Variants in CACNA2D1 observed in about 807,000 individuals in gnomAD.
CACNA2D1 encodes voltage-dependent calcium channel subunit alpha-2/delta-1.
A neutral mutation model predicts 171.5 loss-of-function variants in CACNA2D1; 53 were observed. The ratio of observed to expected loss-of-function variants is 0.31; its 90% CI spans 0.25 to 0.39. The LOEUF is 0.39. CACNA2D1 is among the 10% of genes least tolerant of loss of function. The probability of loss-of-function intolerance (pLI) is 1.00; values close to 1 mark genes in which losing one functional copy is unlikely to be tolerated. For synonymous variants in CACNA2D1, 442 were observed against 443.1 expected (o/e 1.00, Z 0.03); for missense variants, 903 against 1,299.8 (o/e 0.69, Z 4.69).
chr7:82,261,528 G>A (rs559646112), intron 3 of CACNA2D1, among the ~76,000 whole-genome samples: 1 of 152,144 alleles, frequency 6.6e-6, no homozygotes, highest in Non-Finnish European at 1.5e-5. Flanking sequence ...AAGGCGTGTT[G>A]TCTTTTTAAG....
At position 82,263,707 on chromosome 7, in the gene CACNA2D1, C is replaced by G. The variant is rs531163496; in HGVS notation, c.294+71428G>C. ...TGTTTTGTTTCGTTTTGTTTTGGTA[C>G]CATCTGAATTATTATCCATCATTAT... is the stretch of plus-strand genomic sequence containing the variant. On this transcript the variant is annotated intron_variant, in intron 3 of 38. Coordinates refer to ENST00000356860, the MANE Select transcript of CACNA2D1 (RefSeq NM_000722.4). 1.5e-4 allele frequency among the ~76,000 whole-genome samples: 23 copies of G among 152,066 alleles called. No homozygotes were observed. In the East Asian group the frequency reaches 4.3e-3, roughly 28 times the overall value.
chr7:82,288,441 AC>A (rs1221889478), intron 3 of CACNA2D1, among the ~76,000 whole-genome samples: 4 of 151,860 alleles, frequency 2.6e-5, no homozygotes, highest in Admixed American at 2.6e-4. Flanking sequence ...ACACACACAC[AC>A]ACACACACAC....
At chr7:82,335,570 G>T (rs1370337872) in intron 2 of CACNA2D1, among the ~76,000 whole-genome samples, 1 of 152,128 alleles carries the variant, frequency 6.6e-6, no homozygotes, top group Non-Finnish European at 1.5e-5. Context: ...CATCAGCATC[G>T]TAAGAGAAAG....
chr7:82,026,824 AC>A (rs1172716753), intron 12 of CACNA2D1, among the ~76,000 whole-genome samples: 1 of 151,730 alleles, frequency 6.6e-6, no homozygotes, highest in African/African-American at 2.4e-5. Context: ...CTACACATAC[AC>A]ATATGTCCTG....
chr7:82,411,137 C>T (rs936477166), intron 1 of CACNA2D1, among the ~76,000 whole-genome samples: 2 of 152,086 alleles, frequency 1.3e-5, no homozygotes, highest in African/African-American at 4.8e-5. Context: ...AAAGTATGAA[C>T]TTGTTAGCAA....
chr7:82,030,772 A>G (rs1219350380), intron 12 of CACNA2D1, among the ~76,000 whole-genome samples: 2 of 151,896 alleles, frequency 1.3e-5, no homozygotes, highest in East Asian at 1.9e-4. Context: ...GACAAATATA[A>G]GATGCTAAAA....
intron 23 of CACNA2D1, 31 bp downstream of exon 23, chr7:81,983,283 G>A: frequency 6.3e-7 from 1 of 1,579,244 alleles, no homozygotes; most frequent in Non-Finnish European, 8.7e-7. Flanking sequence ...GTACTAAACA[G>A]AAAGAAGTTG....
intron 18 of CACNA2D1, among the ~76,000 whole-genome samples, chr7:82,003,667 A>G (rs1798830096): frequency 6.6e-6 from 1 of 150,582 alleles, no homozygotes. Context: ...TGTCTATGAT[A>G]TATGTTAGTT....
chr7:82,413,455 G>C (rs1827875762), intron 1 of CACNA2D1, among the ~76,000 whole-genome samples: 2 of 152,106 alleles, frequency 1.3e-5, no homozygotes, highest in Admixed American at 1.3e-4. Context: ...CATCTCCCTG[G>C]GGAGCCCCAG....
chr7:82,194,904 C>CG (rs1218134156), intron 3 of CACNA2D1, among the ~76,000 whole-genome samples: 1 of 151,230 alleles, frequency 6.6e-6, no homozygotes, highest in African/African-American at 2.4e-5. Flanking sequence ...GAATGGGGGG[C>CG]GGGGGAGATA....
chr7:82,357,928 G>A (rs543264381), intron 1 of CACNA2D1, among the ~76,000 whole-genome samples: 8 of 151,594 alleles, frequency 5.3e-5, no homozygotes, highest in Admixed American at 2.0e-4. Context: ...AAAGTGAGAT[G>A]TCTGTACCAC....
chr7:82,092,817 T>C (rs1811371228), intron 6 of CACNA2D1, among the ~76,000 whole-genome samples: 1 of 152,084 alleles, frequency 6.6e-6, no homozygotes, highest in African/African-American at 2.4e-5. Flanking sequence ...AAACTCTCGG[T>C]AAATGAAAAC....
intron 7 of CACNA2D1, among the ~76,000 whole-genome samples, chr7:82,068,518 C>A (rs1807938332): frequency 6.6e-6 from 1 of 151,960 alleles, no homozygotes; most frequent in Non-Finnish European, 1.5e-5. Flanking sequence ...TTCATAAATC[C>A]TTTAGAGTTC....
Position 82,357,731 on chromosome 7 carries a change from G to C in CACNA2D1, c.96-8082C>G, listed in dbSNP as rs1359710254. On this transcript the variant is annotated intron_variant, in intron 1 of 38. Coordinates refer to ENST00000356860, the MANE Select transcript of CACNA2D1 (RefSeq NM_000722.4). Reference sequence around the variant, plus strand: ...TGTTGTGGGGTGGGGGGTGGGGGGAGGGATAGCATTAGGAGATATACCTAA... The same window carrying C: ...TGTTGTGGGGTGGGGGGTGGGGGGACGGATAGCATTAGGAGATATACCTAA... Among the ~76,000 whole-genome samples the C allele has an allele frequency of 9.7e-5, 14 of 144,850 alleles. 1 individual carries two copies. The highest frequency in any genetic ancestry group is 2.0e-4 in the Non-Finnish European group (13 of 65,700).
At chr7:82,208,903 A>G (rs1454943982) in intron 3 of CACNA2D1, among the ~76,000 whole-genome samples, 1 of 152,188 alleles carries the variant, frequency 6.6e-6, no homozygotes, top group Non-Finnish European at 1.5e-5. Flanking sequence ...GCCATTCTAC[A>G]ATGTTTACAT....
chr7:81,995,826 G>T (rs1584335923), intron 19 of CACNA2D1, among the ~76,000 whole-genome samples: 2 of 149,724 alleles, frequency 1.3e-5, no homozygotes, highest in Admixed American at 6.6e-5. Context: ...AAAGTGCAAG[G>T]TTACATTATC....
At chr7:81,980,760 C>T (rs558368009) in intron 24 of CACNA2D1, among the ~76,000 whole-genome samples, 1 of 152,066 alleles carries the variant, frequency 6.6e-6, no homozygotes, top group Non-Finnish European at 1.5e-5. Context: ...TTGACAGATA[C>T]ACTTGATACT....
At chr7:81,965,950 G>A (rs538081965) in intron 31 of CACNA2D1, among the ~76,000 whole-genome samples, 27 of 151,494 alleles carry the variant, frequency 1.8e-4, no homozygotes, top group African/African-American at 5.8e-4. Flanking sequence ...TACCATTTCC[G>A]GGTCATCTAA....
intron 3 of CACNA2D1, among the ~76,000 whole-genome samples, chr7:82,262,425 G>C (rs751886690): frequency 6.6e-6 from 1 of 152,114 alleles, no homozygotes; most frequent in Non-Finnish European, 1.5e-5. Context: ...GCTGAGAAAA[G>C]TGCTTTGGTC....
Sources: gnomAD v4.1 joint callset for allele counts (sites outside exome capture counted in the v4.1 genomes callset) on GRCh38, gnomAD v4.1.1 for gene constraint, MANE v1.5 for transcripts, NCBI Gene and HGNC (gene_info 2026-07-23, HGNC 2026-07-21) for gene names.